LRP1B: variants seen among roughly 807,000 people sequenced by gnomAD.
LRP1B encodes LDL receptor related protein 1B, also known as low-density lipoprotein receptor-related protein 1B.
Under a neutral mutation model 556.6 loss-of-function variants are expected in LRP1B, and 217 were observed. The observed-to-expected ratio is 0.39, with a 90% confidence interval of 0.35 to 0.44. The LOEUF is 0.44. Ranked by LOEUF, LRP1B falls within the 20% of genes least tolerant of loss-of-function variation. The pLI is 1.00. For missense variants in LRP1B, 5,053 were observed against 5,620.8 expected, an observed-to-expected ratio of 0.90 and a Z score of 3.23; for synonymous variants, 2,047 against 1,865.8, an observed-to-expected ratio of 1.10 and a Z score of -2.50.
At chr2:141,834,989 G>A (rs1697225285) in intron 1 of LRP1B, among the ~76,000 whole-genome samples, 1 of 151,894 alleles carries the variant, frequency 6.6e-6, no homozygotes, top group Non-Finnish European at 1.5e-5. Context: ...AGTCAAGGAT[G>A]TATAAAGATC....
At chr2:141,127,626 C>A (rs1191338654) in intron 7 of LRP1B, among the ~76,000 whole-genome samples, 1 of 152,116 alleles carries the variant, frequency 6.6e-6, no homozygotes, top group Non-Finnish European at 1.5e-5. Context: ...TCCTACATCT[C>A]CTCCTCTGCA....
intron 2 of LRP1B, among the ~76,000 whole-genome samples, chr2:141,810,067 G>A (rs1696288123): frequency 7.5e-6 from 1 of 132,776 alleles, no homozygotes; most frequent in Non-Finnish European, 1.6e-5. Flanking sequence ...ACAAACAAAA[G>A]GTTTCAAGTT....
chr2:140,722,013 T>C (rs1651380755), intron 35 of LRP1B, among the ~76,000 whole-genome samples: 1 of 152,144 alleles, frequency 6.6e-6, no homozygotes, highest in South Asian at 2.1e-4. Flanking sequence ...GACTCCTCTG[T>C]GTCTTCTGGG....
intron 3 of LRP1B, among the ~76,000 whole-genome samples, chr2:141,335,145 G>A (rs971716823): frequency 3.3e-5 from 5 of 152,080 alleles, no homozygotes; most frequent in East Asian, 1.9e-4. Flanking sequence ...CTTCAAAGAC[G>A]AGTTAAAGCC....
intron 32 of LRP1B, among the ~76,000 whole-genome samples, chr2:140,802,100 G>A (rs971318453): frequency 3.9e-5 from 6 of 152,080 alleles, no homozygotes; most frequent in Admixed American, 6.6e-5. Flanking sequence ...AAATAATCAC[G>A]AGAGGAGCTG....
At position 140,516,896 on chromosome 2, in the gene LRP1B, G is replaced by T. The variant is rs1310756833; in HGVS notation, c.8142C>A (p.Phe2714Leu). ...CTAAATACAATGTCTCACCACAGTG[G>T]AATTCATCACGTCCATCCTCACAAT... ...QKDCEDGRDE[F>L]HCDSSCSWNQ... Residue 2714 changes from phenylalanine to leucine, a missense_variant, in exon 50 of 91, where the codon TTC becomes TTA. Physicochemically the swap from Phe to Leu is conservative, Grantham distance 22. Transcript: ENST00000389484. 6.2e-7 allele frequency: 1 copy of T among 1,613,262 alleles called. No homozygotes were observed. The highest frequency in any genetic ancestry group is 2.2e-5 in the East Asian group (1 of 44,778).
chr2:141,275,511 T>C (rs1019429377), intron 3 of LRP1B, among the ~76,000 whole-genome samples: 3 of 151,854 alleles, frequency 2.0e-5, no homozygotes, highest in African/African-American at 7.3e-5. Flanking sequence ...GAGTTTGAGA[T>C]CAGCCTGGGC....
chr2:142,045,406 G>A (rs955063328), intron 1 of LRP1B, among the ~76,000 whole-genome samples: 1 of 151,696 alleles, frequency 6.6e-6, no homozygotes, highest in Non-Finnish European at 1.5e-5. Context: ...CAAATATTAC[G>A]ATGACACATC....
At chr2:141,088,948 T>A (rs1700111165) in intron 7 of LRP1B, among the ~76,000 whole-genome samples, 1 of 152,128 alleles carries the variant, frequency 6.6e-6, no homozygotes, top group Non-Finnish European at 1.5e-5. Context: ...CTTAAAAAAA[T>A]AAAAACAAAC....
At chr2:140,245,428 C>A (rs1681108311) in intron 87 of LRP1B, among the ~76,000 whole-genome samples, 1 of 151,360 alleles carries the variant, frequency 6.6e-6, no homozygotes, top group South Asian at 2.1e-4. Flanking sequence ...TATGCTATTT[C>A]TTGTCAGAGT....
intron 3 of LRP1B, among the ~76,000 whole-genome samples, chr2:141,392,803 G>A (rs1001218538): frequency 2.6e-5 from 4 of 152,136 alleles, no homozygotes; most frequent in South Asian, 2.1e-4. Context: ...TCAATCTGTC[G>A]AGTCATGTAT....
At chr2:142,091,589 T>G (rs1392220676) in intron 1 of LRP1B, among the ~76,000 whole-genome samples, 1 of 152,150 alleles carries the variant, frequency 6.6e-6, no homozygotes, top group East Asian at 1.9e-4. Context: ...TATAAGAAGA[T>G]GGCTAGATTT....
chr2:141,834,880 A>G (rs1179865287), intron 1 of LRP1B, among the ~76,000 whole-genome samples: 2 of 151,996 alleles, frequency 1.3e-5, no homozygotes, highest in Non-Finnish European at 2.9e-5. Context: ...TGCAGAGTGA[A>G]TAAGACAGGT....
chr2:141,044,207 G>T (rs1206900024), intron 11 of LRP1B, among the ~76,000 whole-genome samples: 2 of 151,488 alleles, frequency 1.3e-5, no homozygotes, highest in African/African-American at 2.4e-5. Flanking sequence ...TGGGAAAACT[G>T]GCTAGCCGTA....
chr2:140,867,206 G>A (rs1692977511), intron 27 of LRP1B, among the ~76,000 whole-genome samples: 2 of 151,988 alleles, frequency 1.3e-5, no homozygotes, highest in Non-Finnish European at 2.9e-5. Flanking sequence ...GGGAGAGGTA[G>A]CACATATGGG....
Position 140,385,947 on chromosome 2 carries a change from A to C in LRP1B, c.10477T>G (p.Trp3493Gly). ...CAGTCATTTTGGCTATCACACCGCCAGTGATCGGGAATACAGTTGTTGTTT... is the reference window on the plus strand; with the variant it reads ...CAGTCATTTTGGCTATCACACCGCCCGTGATCGGGAATACAGTTGTTGTTT... ...CKNNNCIPDHWRCDSQNDCSD... is the reference protein window; with the variant it reads ...CKNNNCIPDHGRCDSQNDCSD... Residue 3493 changes from tryptophan to glycine, a missense_variant, in exon 67 of 91, where the codon TGG becomes GGG. Around this residue, in one of 5 missense-constraint regions of LRP1B, gnomAD observed 262 missense variants for 395.1 expected, o/e 0.66. Transcript: ENST00000389484. 6.2e-7 allele frequency: 1 copy of C among 1,613,828 alleles called. No individual in the cohort carries two copies. The highest frequency in any genetic ancestry group is 8.5e-7 in the Non-Finnish European group (1 of 1,179,796).
intron 23 of LRP1B, among the ~76,000 whole-genome samples, chr2:140,902,107 G>T (rs1694122005): frequency 1.3e-5 from 2 of 152,162 alleles, no homozygotes; most frequent in African/African-American, 4.8e-5. Context: ...GGAAAGATAT[G>T]CTAACTTTCA....
At chr2:141,392,719 A>G (rs756907898) in intron 3 of LRP1B, among the ~76,000 whole-genome samples, 8 of 152,136 alleles carry the variant, frequency 5.3e-5, no homozygotes, top group Non-Finnish European at 1.2e-4. Context: ...TGTCAACATA[A>G]GAAGACTGAT....
intron 3 of LRP1B, among the ~76,000 whole-genome samples, chr2:141,264,912 C>T (rs1684830781): frequency 6.6e-6 from 1 of 152,162 alleles, no homozygotes; most frequent in Non-Finnish European, 1.5e-5. Context: ...ATCCATCAAC[C>T]TTGGAAGAGC....
Sources: allele counts gnomAD v4.1 joint callset (sites outside exome capture counted in the v4.1 genomes callset), GRCh38; gene constraint gnomAD v4.1.1; regional missense constraint gnomAD v4.1.1; transcripts MANE v1.5; gene names NCBI Gene and HGNC (gene_info 2026-07-23, HGNC 2026-07-21).